Variants in PCDHGB7 observed in about 807,000 individuals in gnomAD.
PCDHGB7 encodes protocadherin gamma-B7.
PCDHGB7 carries 37 observed loss-of-function variants against 61.4 expected under a neutral mutation model. The observed-to-expected ratio is 0.60, with a 90% CI of 0.46 to 0.79. The LOEUF (loss-of-function observed/expected upper bound fraction) is 0.79. Among genes scored for constraint, PCDHGB7 ranks in the 30% least tolerant of loss-of-function variants. The pLI, the probability that PCDHGB7 is intolerant of heterozygous loss-of-function variation, is 0.00. For missense variants in PCDHGB7, 1,166 were observed against 1,202.5 expected (o/e 0.97, Z 0.45); for synonymous variants, 464 against 503.5 (o/e 0.92, Z 1.05).
chr5:141,457,504 A>G (rs2098922754), intron 1 of PCDHGB7, among the ~76,000 whole-genome samples: 1 of 152,222 alleles, frequency 6.6e-6, no homozygotes, highest in Non-Finnish European at 1.5e-5. Context: ...GTAGGCAAAA[A>G]GCTTAAAAAC....
At position 141,477,886 on chromosome 5, in the gene PCDHGB7, G is replaced by A. The variant is rs2099422999; in HGVS notation, c.2416-16921G>A. 2 of 1,614,188 alleles carry A rather than the reference G, an allele frequency of 1.2e-6. No homozygotes were observed. The highest frequency in any genetic ancestry group is 1.7e-6 in the Non-Finnish European group (2 of 1,180,040). ...GAGGTACCTCAGCTGGCCACCTAGT[G>A]TCACGGGTGGTAGGCTGGGACGCGG... On this transcript the variant is annotated intron_variant, in intron 1 of 3. Transcript: ENST00000398594. The surrounding 1 kb of genome is among the most constrained non-coding windows in gnomAD (Gnocchi z 4.9).
chr5:141,421,322 T>TC (rs761059925), intron 1 of PCDHGB7: 24 of 1,613,746 alleles, frequency 1.5e-5, no homozygotes, highest in Middle Eastern at 1.6e-4. Flanking sequence ...GCCAGGCAGA[T>TC]CCGATATTCG....
At position 141,477,112 on chromosome 5, in the gene PCDHGB7, A is replaced by C. The variant is rs745449028; in HGVS notation, c.2416-17695A>C. The C allele has an allele frequency of 2.5e-6, 4 of 1,614,262 alleles. No homozygotes were observed. The South Asian group carries it at 4.4e-5, about 18-fold the overall frequency. Reference sequence around the variant, plus strand: ...CCAAAGACAAGGGCGCCAATCCCGAAGGAGCACATTGCAAAGTGTTGGTGG... The same window carrying C: ...CCAAAGACAAGGGCGCCAATCCCGACGGAGCACATTGCAAAGTGTTGGTGG... On this transcript the variant is annotated intron_variant, in intron 1 of 3. Transcript: ENST00000398594. This position sits in a 1 kb window ranked among gnomAD's most constrained non-coding sequence, Gnocchi z 4.9.
rs1252361961 is a variant in PCDHGB7 at position 141,486,106 on chromosome 5, G to A, written c.2416-8701G>A. The A allele has an allele frequency of 2.5e-6, 4 of 1,614,190 alleles. No individual in the cohort carries two copies. The highest frequency in any genetic ancestry group is 1.1e-5 in the South Asian group (1 of 91,086). Reference sequence around the variant, plus strand: ...CTCTTTTGGGGCCCCTAGACTTTGAGAGTGAGAATTACTATGAATTTGATG... The same window carrying A: ...CTCTTTTGGGGCCCCTAGACTTTGAAAGTGAGAATTACTATGAATTTGATG... On this transcript the variant is annotated intron_variant, in intron 1 of 3. Transcript: ENST00000398594. The surrounding 1 kb of genome is among the most constrained non-coding windows in gnomAD (Gnocchi z 5.0).
chr5:141,445,305 T>C (rs899306819), intron 1 of PCDHGB7, among the ~76,000 whole-genome samples: 2 of 152,204 alleles, frequency 1.3e-5, no homozygotes, highest in Non-Finnish European at 1.5e-5. Context: ...TCTCTTCAGT[T>C]TGTAGGTTGA....
intron 1 of PCDHGB7, among the ~76,000 whole-genome samples, chr5:141,470,572 A>G (rs1349952470): frequency 6.6e-6 from 1 of 152,208 alleles, no homozygotes; most frequent in Non-Finnish European, 1.5e-5. Flanking sequence ...GCCAAGCAGG[A>G]TCAACTTCAT....
At chr5:141,496,172 T>C (rs942740022) in intron 2 of PCDHGB7, among the ~76,000 whole-genome samples, 1 of 151,672 alleles carries the variant, frequency 6.6e-6, no homozygotes, top group Non-Finnish European at 1.5e-5. Context: ...CACCCTCCCA[T>C]CCAAGCAGCC....
At chr5:141,420,327 A>G in intron 1 of PCDHGB7, 53 bp downstream of exon 1, 1 of 1,425,478 alleles carries the variant, frequency 7.0e-7, no homozygotes, top group South Asian at 1.5e-5. Context: ...ATGCCAATAT[A>G]TTCCAATATA....
chr5:141,422,916 C>T, intron 1 of PCDHGB7: 1 of 1,614,260 alleles, frequency 6.2e-7, no homozygotes, highest in Non-Finnish European at 8.5e-7. Context: ...CGCCCGAGAT[C>T]CTGTACCCTG....
intron 2 of PCDHGB7, among the ~76,000 whole-genome samples, chr5:141,496,104 G>A (rs950960102): frequency 6.8e-6 from 1 of 146,980 alleles, no homozygotes; most frequent in African/African-American, 2.5e-5. Context: ...CCAACACCCC[G>A]CTCTCTTCCT....
intron 1 of PCDHGB7, among the ~76,000 whole-genome samples, chr5:141,435,451 CTGTA>C: frequency 6.6e-6 from 1 of 152,258 alleles, no homozygotes; most frequent in Non-Finnish European, 1.5e-5. Context: ...AATACGATAT[CTGTA>C]TGTGTTTCCA....
chr5:141,449,724 A>AT (rs911465424), intron 1 of PCDHGB7, among the ~76,000 whole-genome samples: 1 of 151,176 alleles, frequency 6.6e-6, no homozygotes, highest in African/African-American at 2.4e-5. Context: ...ATATGATATG[A>AT]TTTTTTTATG....
At chr5:141,425,822 A>G (rs1257213242) in intron 1 of PCDHGB7, among the ~76,000 whole-genome samples, 1 of 152,240 alleles carries the variant, frequency 6.6e-6, no homozygotes, top group Non-Finnish European at 1.5e-5. Context: ...GAAAAAAACA[A>G]ACTTTTAAAT....
chr5:141,421,537 T>C (rs11167744), intron 1 of PCDHGB7: 139,246 of 1,613,908 alleles, frequency 0.086, 6,702 homozygotes, highest in East Asian at 0.14. Context: ...GTCCTCCTGT[T>C]TTTTAAATAT....
intron 1 of PCDHGB7, chr5:141,423,658 CA>C: frequency 6.4e-7 from 1 of 1,571,150 alleles, no homozygotes; most frequent in Non-Finnish European, 8.6e-7. Flanking sequence ...GACAAGTAAT[CA>C]GGTGAGATTT....
intron 1 of PCDHGB7, chr5:141,422,432 A>T: frequency 6.2e-7 from 1 of 1,609,448 alleles, no homozygotes; most frequent in South Asian, 1.1e-5. Context: ...TATGGAAATT[A>T]TTACAAATTG....
At chr5:141,450,653 A>AT (rs2098689237) in intron 1 of PCDHGB7, among the ~76,000 whole-genome samples, 1 of 151,192 alleles carries the variant, frequency 6.6e-6, no homozygotes, top group Non-Finnish European at 1.5e-5. Context: ...TGCCTGGCTA[A>AT]TTTTTGTACT....
Position 141,419,794 on chromosome 5 carries a change from T to G in PCDHGB7, c.1935T>G (p.Ala645=). 6.2e-7 allele frequency: 1 copy of G among 1,614,048 alleles called. No individual in the cohort carries two copies. Among genetic ancestry groups the G allele is most frequent in the Non-Finnish European group, 8.5e-7 (1 of 1,179,890 alleles). The change falls in exon 1 of 4, where the codon GCT becomes GCG. Residue 645 remains alanine, a synonymous_variant. Coordinates refer to ENST00000398594, the MANE Select transcript of PCDHGB7 (RefSeq NM_018927.4). ...CGGTCCGCCAGCGCCTGCTAGTCGC[T>G]GTAAGAGATGGAGGACAGCCACCCC... ...KDSVRQRLLV[A]VRDGGQPPLS...
rs1364415249 is a variant in PCDHGB7 at position 141,489,240 on chromosome 5, C to A, written c.2416-5567C>A. The stretch of plus-strand genomic sequence containing the variant: ...ACTCTCCACAAAGGGACTTCTGGGT[C>A]ATGGGGCCCAAGACACTCCCACAGC... On this transcript the variant is annotated intron_variant, in intron 1 of 3. Coordinates refer to ENST00000398594, the MANE Select transcript of PCDHGB7 (RefSeq NM_018927.4). The surrounding 1 kb of genome is among the most constrained non-coding windows in gnomAD (Gnocchi z 4.5). 1 of 1,534,136 alleles carries A rather than the reference C, an allele frequency of 6.5e-7. No individual in the cohort carries two copies. Among genetic ancestry groups the A allele is most frequent in the South Asian group, 1.3e-5 (1 of 76,896 alleles).
Sources: gnomAD v4.1 joint callset for allele counts (sites outside exome capture counted in the v4.1 genomes callset) on GRCh38, gnomAD v4.1.1 for gene constraint, Gnocchi (gnomAD v3.1) non-coding constraint, MANE v1.5 for transcripts, NCBI Gene and HGNC (gene_info 2026-07-23, HGNC 2026-07-21) for gene names.